PRSS12: variants seen among roughly 807,000 people sequenced by gnomAD.
PRSS12 encodes neurotrypsin.
Under a neutral mutation model 104.4 loss-of-function variants are expected in PRSS12, and 85 were observed. The ratio of observed to expected loss-of-function variants is 0.81; its 90% CI spans 0.68 to 0.98. The LOEUF is 0.98. Among genes scored for constraint, PRSS12 ranks in the 50% least tolerant of loss-of-function variants. The probability of loss-of-function intolerance (pLI) is 0.00; values close to 1 mark genes in which losing one functional copy is unlikely to be tolerated. For missense variants in PRSS12, 1,141 were observed against 1,139.2 expected (o/e 1.00, Z -0.02); for synonymous variants, 454 against 425.2 (o/e 1.07, Z -0.83).
At chr4:118,347,891 T>A (rs1330763581) in intron 1 of PRSS12, among the ~76,000 whole-genome samples, 1 of 152,180 alleles carries the variant, frequency 6.6e-6, no homozygotes, top group South Asian at 2.1e-4. Context: ...GCCTGTTAAT[T>A]CTTCCTGTAG....
intron 1 of PRSS12, among the ~76,000 whole-genome samples, chr4:118,341,519 C>T (rs1308877979): frequency 6.6e-6 from 1 of 151,974 alleles, no homozygotes; most frequent in Non-Finnish European, 1.5e-5. Context: ...CCCGTCTCTA[C>T]TAAAAATACA....
At chr4:118,295,908 T>A in intron 9 of PRSS12, 52 bp from the exon 10 acceptor site, 1 of 1,473,872 alleles carries the variant, frequency 6.8e-7, no homozygotes, top group Non-Finnish European at 9.5e-7. Flanking sequence ...GACAGAGGGG[T>A]AAGACGATAA....
chr4:118,319,210 C>T (rs1415041023), intron 4 of PRSS12, among the ~76,000 whole-genome samples: 1 of 152,110 alleles, frequency 6.6e-6, no homozygotes, highest in Non-Finnish European at 1.5e-5. Context: ...CAGGTATATG[C>T]CACCACACCT....
intron 10 of PRSS12, 74 bp from the exon 11 acceptor site, chr4:118,295,135 T>C: frequency 6.4e-7 from 1 of 1,552,734 alleles, no homozygotes; most frequent in Non-Finnish European, 8.8e-7. Context: ...GTTAAAGCAA[T>C]GGCTTTAATA....
chr4:118,292,178 AC>A (rs1444579097), intron 11 of PRSS12, among the ~76,000 whole-genome samples: 1 of 152,092 alleles, frequency 6.6e-6, no homozygotes, highest in Non-Finnish European at 1.5e-5. Context: ...TTCTTCTGGC[AC>A]CCAAAAATAT....
chr4:118,282,889 C>G lies in PRSS12; in HGVS notation c.2262G>C (p.Trp754Cys). Reference protein sequence around the residue: ...SHVLPACLPLWRERPQKTASN... With the variant: ...SHVLPACLPLCRERPQKTASN... The stretch of plus-strand genomic sequence containing the variant: ...ATGCTGTTTTCTGTGGCCTCTCTCT[C>G]CAGAGTGGTAAACAGGCTGGCAAAA... The change falls in exon 12 of 13, where the codon TGG becomes TGC. Residue 754 changes from tryptophan to cysteine, a missense_variant. Physicochemically the swap from Trp to Cys is radical, Grantham distance 215. Transcript: ENST00000296498. 3 of 1,614,210 alleles carry G rather than the reference C, an allele frequency of 1.9e-6. No individual in the cohort carries two copies. The highest frequency in any genetic ancestry group is 2.5e-6 in the Non-Finnish European group (3 of 1,180,040).
intron 5 of PRSS12, among the ~76,000 whole-genome samples, 162 bp downstream of exon 5, chr4:118,318,216 T>C (rs1723499025): frequency 6.6e-6 from 1 of 152,196 alleles, no homozygotes; most frequent in African/African-American, 2.4e-5. Context: ...AATAAAAAGA[T>C]GGTACTTTAA....
At chr4:118,302,720 C>A (rs1743431818) in intron 8 of PRSS12, among the ~76,000 whole-genome samples, 2 of 152,194 alleles carry the variant, frequency 1.3e-5, no homozygotes, top group Non-Finnish European at 2.9e-5. Context: ...AGCCACCGTG[C>A]CCAGCTGTAT....
chr4:118,308,951 C>A (rs1743631410), intron 7 of PRSS12, among the ~76,000 whole-genome samples: 1 of 152,124 alleles, frequency 6.6e-6, no homozygotes. Context: ...TGCTTCATGT[C>A]TGTTCATTTA....
chr4:118,286,718 G>A (rs1002098156), intron 11 of PRSS12, among the ~76,000 whole-genome samples: 3 of 152,086 alleles, frequency 2.0e-5, no homozygotes, highest in Non-Finnish European at 4.4e-5. Flanking sequence ...AAATTAAAAA[G>A]AGATCTTATC....
intron 2 of PRSS12, among the ~76,000 whole-genome samples, chr4:118,337,295 T>C (rs1283181816): frequency 1.3e-5 from 2 of 152,218 alleles, no homozygotes; most frequent in South Asian, 4.1e-4. Context: ...ATTTCCATGC[T>C]TTCTAAAGAC....
chr4:118,335,699 T>C, intron 2 of PRSS12, 48 bp from the exon 3 acceptor site: 1 of 1,549,440 alleles, frequency 6.5e-7, no homozygotes, highest in African/African-American at 1.4e-5. Flanking sequence ...TAGGCAAAAC[T>C]TTTTATCAAA....
At chr4:118,308,653 C>A (rs916669989) in intron 7 of PRSS12, 76 bp from the exon 8 acceptor site, 83 of 1,548,568 alleles carry the variant, frequency 5.4e-5, no homozygotes, top group Non-Finnish European at 7.0e-5. Flanking sequence ...CTCTACAAAA[C>A]ACAATTGTTC....
chr4:118,344,933 C>T (rs78167655), intron 1 of PRSS12, among the ~76,000 whole-genome samples: 2,533 of 152,148 alleles, frequency 0.017, 36 homozygotes, highest in Non-Finnish European at 0.027. Flanking sequence ...TGGGTATTAC[C>T]ATTTTATTGC....
chr4:118,289,326 T>C (rs1236529945), intron 11 of PRSS12, among the ~76,000 whole-genome samples: 1 of 152,188 alleles, frequency 6.6e-6, no homozygotes, highest in Non-Finnish European at 1.5e-5. Context: ...CCTACATCAC[T>C]GCAAGAATTA....
intron 11 of PRSS12, among the ~76,000 whole-genome samples, chr4:118,291,855 T>G (rs371044270): frequency 3.5e-4 from 53 of 152,282 alleles, no homozygotes; most frequent in African/African-American, 1.1e-3. Flanking sequence ...AGTTTTTCAC[T>G]TGTGCTGTAT....
At chr4:118,316,837 A>AAAAAAAATATATATAT (rs35698159) in intron 5 of PRSS12, among the ~76,000 whole-genome samples, 148 of 99,114 alleles carry the variant, frequency 1.5e-3, no homozygotes, top group African/African-American at 3.6e-3. Context: ...AAAAAAAAAA[A>AAAAAAAATATATATAT]ATATATATAT....
intron 4 of PRSS12, among the ~76,000 whole-genome samples, chr4:118,323,696 C>G (rs1723691661): frequency 6.6e-6 from 1 of 151,788 alleles, no homozygotes; most frequent in Non-Finnish European, 1.5e-5. Context: ...AACTACCATA[C>G]AGCAGAACAC....
At chr4:118,282,637 T>C (rs1033623746) in intron 12 of PRSS12, among the ~76,000 whole-genome samples, 194 bp downstream of exon 12, 1 of 152,224 alleles carries the variant, frequency 6.6e-6, no homozygotes, top group African/African-American at 2.4e-5. Context: ...GTTCTCAGTT[T>C]ATGCTAAAGT....
Sources: gnomAD v4.1 joint callset for allele counts (sites outside exome capture counted in the v4.1 genomes callset) on GRCh38, gnomAD v4.1.1 for gene constraint, MANE v1.5 for transcripts, NCBI Gene and HGNC (gene_info 2026-07-23, HGNC 2026-07-21) for gene names.